SMAP1: variants seen among roughly 807,000 people sequenced by gnomAD.
SMAP1 encodes stromal membrane-associated protein 1.
Under a neutral mutation model 58.5 loss-of-function variants are expected in SMAP1, and 24 were observed. The observed-to-expected ratio is 0.41, with a 90% CI of 0.30 to 0.58. The LOEUF (loss-of-function observed/expected upper bound fraction) is 0.58. Ranked by LOEUF, SMAP1 falls within the 20% of genes least tolerant of loss-of-function variation. SMAP1 has a pLI of 0.29. For synonymous variants in SMAP1, 216 were observed against 196.6 expected (o/e 1.10, Z -0.82); for missense variants, 563 against 566.3 (o/e 0.99, Z 0.06).
chr6:70,803,425 T>A lies in SMAP1; in HGVS notation c.576+4688T>A, dbSNP rs1219799699. On this transcript the variant is annotated intron_variant, in intron 6 of 10. Coordinates refer to ENST00000370455, the MANE Select transcript of SMAP1 (RefSeq NM_001044305.3). ...TTAGTCTTGCTAGCAGTCTATTTTGTTGATCTTTTCAAAAAACCACTCCTG... is the reference window on the plus strand; with the variant it reads ...TTAGTCTTGCTAGCAGTCTATTTTGATGATCTTTTCAAAAAACCACTCCTG... Among the ~76,000 whole-genome samples the A allele has an allele frequency of 2.0e-5, 3 of 152,318 alleles. No homozygotes were observed. The South Asian group carries it at 6.2e-4, about 32-fold the overall frequency.
intron 2 of SMAP1, among the ~76,000 whole-genome samples, chr6:70,741,197 G>A (rs891492033): frequency 1.3e-5 from 2 of 152,044 alleles, no homozygotes; most frequent in Non-Finnish European, 2.9e-5. Context: ...ACTCATTTCA[G>A]CATTAACTCA....
chr6:70,791,429 G>A (rs1768346137), intron 4 of SMAP1, among the ~76,000 whole-genome samples: 1 of 151,962 alleles, frequency 6.6e-6, no homozygotes, highest in Non-Finnish European at 1.5e-5. Context: ...GATCTTATCT[G>A]ACTACATTTT....
At chr6:70,723,438 T>G (rs1768619686) in intron 1 of SMAP1, among the ~76,000 whole-genome samples, 1 of 152,236 alleles carries the variant, frequency 6.6e-6, no homozygotes, top group African/African-American at 2.4e-5. Flanking sequence ...TCCCTTTGCC[T>G]TGATTACTCT....
At chr6:70,835,085 TAAA>T (rs371546229) in intron 6 of SMAP1, among the ~76,000 whole-genome samples, 13 of 137,950 alleles carry the variant, frequency 9.4e-5, no homozygotes, top group Middle Eastern at 3.7e-3. Flanking sequence ...CTGTTTCTAC[TAAA>T]AAAAAAAAAA....
chr6:70,795,960 A>C (rs1768587785), intron 5 of SMAP1, among the ~76,000 whole-genome samples: 1 of 151,886 alleles, frequency 6.6e-6, no homozygotes, highest in South Asian at 2.1e-4. Flanking sequence ...CTGGTCTCGA[A>C]CTTCGTGATA....
chr6:70,724,431 G>A (rs1254614252), intron 1 of SMAP1, among the ~76,000 whole-genome samples: 2 of 152,110 alleles, frequency 1.3e-5, no homozygotes, highest in Non-Finnish European at 2.9e-5. Flanking sequence ...CCTGACCTCA[G>A]GTGATCCGCC....
At chr6:70,673,896 TTTTG>T (rs763249039) in intron 1 of SMAP1, among the ~76,000 whole-genome samples, 43 of 152,260 alleles carry the variant, frequency 2.8e-4, no homozygotes, top group East Asian at 3.9e-4. Flanking sequence ...TCTTTGTCTT[TTTTG>T]TTTGTTTGTT....
intron 3 of SMAP1, among the ~76,000 whole-genome samples, chr6:70,770,140 C>G (rs1253056393): frequency 2.6e-5 from 4 of 151,844 alleles, no homozygotes; most frequent in Admixed American, 6.6e-5. Flanking sequence ...ATGGGCTTCC[C>G]TTTGTGGGTA....
intron 1 of SMAP1, among the ~76,000 whole-genome samples, chr6:70,707,884 CAT>C (rs1169821989): frequency 2.6e-5 from 4 of 152,138 alleles, no homozygotes. Context: ...TTTTGATACA[CAT>C]ATATAGTGAA....
intron 3 of SMAP1, among the ~76,000 whole-genome samples, chr6:70,762,865 A>T (rs1016202159): frequency 1.3e-5 from 2 of 152,022 alleles, no homozygotes; most frequent in Non-Finnish European, 2.9e-5. Context: ...CTGCATTTGA[A>T]TTATTTATAT....
chr6:70,842,914 A>T (rs1489444195), intron 7 of SMAP1, among the ~76,000 whole-genome samples: 1 of 152,150 alleles, frequency 6.6e-6, no homozygotes, highest in Admixed American at 6.5e-5. Context: ...AGGAGTAAAA[A>T]CTTGCCAGAA....
intron 1 of SMAP1, among the ~76,000 whole-genome samples, chr6:70,714,422 T>C (rs928374920): frequency 5.3e-5 from 8 of 152,114 alleles, no homozygotes; most frequent in African/African-American, 1.9e-4. Flanking sequence ...AAATATCTTG[T>C]AATTATCTGT....
chr6:70,828,150 C>T (rs1191586156), intron 6 of SMAP1, among the ~76,000 whole-genome samples: 1 of 151,962 alleles, frequency 6.6e-6, no homozygotes, highest in East Asian at 1.9e-4. Flanking sequence ...GAATATAAGA[C>T]TGGTTTTTAT....
intron 4 of SMAP1, among the ~76,000 whole-genome samples, chr6:70,785,730 C>T (rs868603339): frequency 1.3e-5 from 2 of 152,210 alleles, no homozygotes; most frequent in Non-Finnish European, 1.5e-5. Context: ...TCGACACATA[C>T]ACCCTCCCAA....
At chr6:70,668,682 C>G in intron 1 of SMAP1, 1 of 1,536,066 alleles carries the variant, frequency 6.5e-7, no homozygotes, top group Non-Finnish European at 8.7e-7. Flanking sequence ...GCTTTTATCT[C>G]TGCTTCCTGA....
At chr6:70,769,222 A>T (rs1167451929) in intron 3 of SMAP1, among the ~76,000 whole-genome samples, 1 of 152,182 alleles carries the variant, frequency 6.6e-6, no homozygotes, top group Non-Finnish European at 1.5e-5. Context: ...AAAAATGTAT[A>T]TTCTGTTGAT....
At chr6:70,769,527 G>T (rs1274654339) in intron 3 of SMAP1, among the ~76,000 whole-genome samples, 3 of 152,078 alleles carry the variant, frequency 2.0e-5, no homozygotes, top group African/African-American at 2.4e-5. Context: ...TGTCTCTTTT[G>T]ATCTGTGTTG....
intron 1 of SMAP1, among the ~76,000 whole-genome samples, chr6:70,698,551 A>G (rs1767502765): frequency 6.6e-6 from 1 of 152,042 alleles, no homozygotes; most frequent in East Asian, 1.9e-4. Flanking sequence ...TGTTTTCTAG[A>G]TTTCGTAGGC....
chr6:70,847,643 T>C (rs938109411), intron 7 of SMAP1, among the ~76,000 whole-genome samples: 1 of 152,202 alleles, frequency 6.6e-6, no homozygotes, highest in African/African-American at 2.4e-5. Flanking sequence ...CTTTATGATG[T>C]TCCCAGCTGA....
Sources: gnomAD v4.1 joint callset for allele counts (sites outside exome capture counted in the v4.1 genomes callset) on GRCh38, gnomAD v4.1.1 for gene constraint, MANE v1.5 for transcripts, NCBI Gene and HGNC (gene_info 2026-07-23, HGNC 2026-07-21) for gene names.